Variants in UBXN7 observed in about 807,000 individuals in gnomAD.
UBXN7 encodes the protein UBX domain protein 7, also known as UBX domain-containing protein 7.
A neutral mutation model predicts 58.0 loss-of-function variants in UBXN7; 9 were observed. The observed-to-expected ratio is 0.16, with a 90% CI of 0.09 to 0.27. UBXN7 has a LOEUF of 0.27. Among genes scored for constraint, UBXN7 ranks in the 10% least tolerant of loss-of-function variants. UBXN7 has a pLI of 1.00. For missense variants in UBXN7, 328 were observed against 599.6 expected (o/e 0.55, Z 4.73); for synonymous variants, 208 against 205.0 (o/e 1.01, Z -0.12).
At chr3:196,373,285 G>C (rs1353304613) in intron 5 of UBXN7, among the ~76,000 whole-genome samples, 4 of 152,162 alleles carry the variant, frequency 2.6e-5, no homozygotes, top group African/African-American at 9.7e-5. Flanking sequence ...AAGAATGTTT[G>C]AGAATGATCC....
At chr3:196,428,343 G>A (rs1276187179) in intron 1 of UBXN7, among the ~76,000 whole-genome samples, 4 of 151,578 alleles carry the variant, frequency 2.6e-5, no homozygotes, top group Non-Finnish European at 5.9e-5. Context: ...AGTCTTAACT[G>A]CTCTGGAGGC....
At chr3:196,415,422 G>T (rs1730451064) in intron 1 of UBXN7, among the ~76,000 whole-genome samples, 1 of 148,966 alleles carries the variant, frequency 6.7e-6, no homozygotes, top group Non-Finnish European at 1.5e-5. Context: ...AAAGTGCTGG[G>T]ATTACAGGCG....
chr3:196,389,851 A>G (rs1729523534), intron 5 of UBXN7, among the ~76,000 whole-genome samples: 1 of 152,258 alleles, frequency 6.6e-6, no homozygotes, highest in South Asian at 2.1e-4. Context: ...ATGACAGTGT[A>G]AAAGTATATC....
chr3:196,404,368 T>C (rs956205790), intron 2 of UBXN7, among the ~76,000 whole-genome samples: 2 of 149,948 alleles, frequency 1.3e-5, no homozygotes, highest in African/African-American at 4.9e-5. Flanking sequence ...GTTCACGCCA[T>C]TCTCCTGACT....
intron 1 of UBXN7, among the ~76,000 whole-genome samples, chr3:196,413,954 A>G (rs1212281401): frequency 6.6e-6 from 1 of 152,218 alleles, no homozygotes; most frequent in Non-Finnish European, 1.5e-5. Flanking sequence ...ATAGAGAATA[A>G]TGACAAACAG....
intron 1 of UBXN7, 30 bp from the exon 2 acceptor site, chr3:196,407,423 T>TAAAA (rs74348613): frequency 2.4e-5 from 32 of 1,355,092 alleles, no homozygotes; most frequent in Admixed American, 8.5e-5. Flanking sequence ...GGAAAAACGT[T>TAAAA]AAAAAAAAAA....
chr3:196,368,150 T>G lies in UBXN7; in HGVS notation c.712A>C (p.Lys238Gln). Residue 238 changes from lysine (K) to glutamine (Q), a missense_variant, in exon 8 of 11, where the codon AAG (lysine) becomes CAG (glutamine). Physicochemically the swap from Lys to Gln is moderately conservative, Grantham distance 53 (BLOSUM62 1). Coordinates refer to ENST00000296328, the MANE Select transcript of UBXN7 (RefSeq NM_015562.2). ...VSILDPRTGQ[K>Q]LVEWHQLDVS... ...TCTAACTGGTGCCATTCTACTAGCTTCTGACCTAAGGATTAAAAACCAAGA... is the reference window on the plus strand; with the variant it reads ...TCTAACTGGTGCCATTCTACTAGCTGCTGACCTAAGGATTAAAAACCAAGA... The G allele has an allele frequency of 1.2e-6, 2 of 1,611,810 alleles. No individual in the cohort carries two copies. Among genetic ancestry groups the G allele is most frequent in the Non-Finnish European group, 1.7e-6 (2 of 1,179,348 alleles).
At chr3:196,356,955 A>T (rs575975881) in intron 10 of UBXN7, 109 bp from the exon 11 acceptor site, 1 of 1,359,970 alleles carries the variant, frequency 7.4e-7, no homozygotes, top group East Asian at 2.6e-5. Flanking sequence ...ATCAGCTATT[A>T]AATGTAAGTT....
At chr3:196,369,199 G>A (rs1251854769) in intron 7 of UBXN7, among the ~76,000 whole-genome samples, 1 of 152,204 alleles carries the variant, frequency 6.6e-6, no homozygotes, top group Middle Eastern at 3.4e-3. Context: ...GAACAGAACT[G>A]CACAAACATA....
chr3:196,407,950 T>C (rs1044246396), intron 1 of UBXN7, among the ~76,000 whole-genome samples: 3 of 151,226 alleles, frequency 2.0e-5, no homozygotes, highest in African/African-American at 4.9e-5. Flanking sequence ...ACACAAAAAT[T>C]TGCCAGGCAT....
chr3:196,387,521 A>T (rs535525604), intron 5 of UBXN7, among the ~76,000 whole-genome samples: 1 of 152,290 alleles, frequency 6.6e-6, no homozygotes, highest in Admixed American at 6.5e-5. Flanking sequence ...ATGGGAAAAA[A>T]TTTTTGCAAT....
In UBXN7 at chr3:196,356,612, TGCATACTTAGTGACATGTATCTCACA is replaced by T; in HGVS notation, c.*47_*72del. On this transcript the variant is annotated 3_prime_UTR_variant, in exon 11 of 11. Transcript: ENST00000296328. ...GGCTCTGTGGTCCTATGAGCCAAAA[TGCATACTTAGTGACATGTATCTCACA>T]GGAAAAGGGAAAAAAGGGGTAAGCT... The T allele has an allele frequency of 6.6e-7, 1 of 1,516,034 alleles. No homozygotes were observed. The highest frequency in any genetic ancestry group is 8.8e-7 in the Non-Finnish European group (1 of 1,138,370). 93.9% of individuals were successfully genotyped at this position (1,516,034 alleles called of 1,614,324 possible).
rs552632473 is a variant in UBXN7 at position 196,355,282 on chromosome 3, C to A, written c.*1403G>T. 2 of 152,176 alleles carry A rather than the reference C, an allele frequency of 1.3e-5. No homozygotes were observed. Among genetic ancestry groups the A allele is most frequent in the African/African-American group, 4.8e-5 (2 of 41,444 alleles). 9.4% of individuals were successfully genotyped at this position (152,176 alleles called of 1,614,324 possible). ...TTGCCACCAGAATCACGACTACCCC[C>A]CCTTCAGAGGACTCCATTTAAGCTC... On this transcript the variant is annotated 3_prime_UTR_variant, in exon 11 of 11. Transcript: ENST00000296328.
chr3:196,411,600 T>TC (rs1730326808), intron 1 of UBXN7, among the ~76,000 whole-genome samples: 2 of 151,898 alleles, frequency 1.3e-5, no homozygotes, highest in Admixed American at 6.6e-5. Flanking sequence ...TCACCTGAGG[T>TC]CAGGAGTTCG....
chr3:196,412,938 T>G (rs1730377203), intron 1 of UBXN7, among the ~76,000 whole-genome samples: 2 of 152,120 alleles, frequency 1.3e-5, no homozygotes, highest in Admixed American at 6.6e-5. Context: ...GAGTTCTTGT[T>G]TAATGGGTAT....
At position 196,350,394 on chromosome 3, in the gene UBXN7, A is replaced by G. The variant is rs1243517998; in HGVS notation, c.*6291T>C. 6.6e-6 allele frequency: 1 copy of G among 152,246 alleles called. No individual in the cohort carries two copies. The highest frequency in any genetic ancestry group is 6.5e-5 in the Admixed American group (1 of 15,282). 9.4% of individuals were successfully genotyped at this position (152,246 alleles called of 1,614,324 possible). A position where few individuals can be genotyped will look rare whatever the true frequency, so the allele number is the denominator to read the frequency against. On this transcript the variant is annotated 3_prime_UTR_variant, in exon 11 of 11. Transcript: ENST00000296328. ...TCCTTAACTAGGGAGAAAATGAGCTATAAAAGTAAGTTTGCCTCAAAAATG... is the reference window on the plus strand; with the variant it reads ...TCCTTAACTAGGGAGAAAATGAGCTGTAAAAGTAAGTTTGCCTCAAAAATG...
Position 196,354,643 on chromosome 3 carries a change from T to A in UBXN7, c.*2042A>T, listed in dbSNP as rs1276436283. On this transcript the variant is annotated 3_prime_UTR_variant, in exon 11 of 11. Coordinates refer to ENST00000296328, the MANE Select transcript of UBXN7 (RefSeq NM_015562.2). ...CCTTTGACAGTATACAGCTCTATTT[T>A]TCAAACGGCAAGTATGTTATCCAAG... 2 of 152,192 alleles carry A rather than the reference T, an allele frequency of 1.3e-5. No individual in the cohort carries two copies. The highest frequency in any genetic ancestry group is 2.9e-5 in the Non-Finnish European group (2 of 68,032). The allele number at this position is 152,192 out of a possible 1,614,324, so 9.4% of individuals were successfully genotyped here.
At chr3:196,426,705 G>A (rs1182600070) in intron 1 of UBXN7, among the ~76,000 whole-genome samples, 4 of 151,934 alleles carry the variant, frequency 2.6e-5, no homozygotes, top group South Asian at 2.1e-4. Context: ...AAAATGAGCC[G>A]GGCGTGGTGG....
intron 1 of UBXN7, among the ~76,000 whole-genome samples, chr3:196,421,659 C>T (rs1459064050): frequency 6.6e-6 from 1 of 151,928 alleles, no homozygotes; most frequent in Non-Finnish European, 1.5e-5. Context: ...CGCCTGTAGT[C>T]CCAGCTACTT....
Sources: allele counts gnomAD v4.1 joint callset (sites outside exome capture counted in the v4.1 genomes callset), GRCh38; gene constraint gnomAD v4.1.1; transcripts MANE v1.5; gene names NCBI Gene and HGNC (gene_info 2026-07-23, HGNC 2026-07-21).